GRM1: variants seen among roughly 807,000 people sequenced by gnomAD.
The protein encoded by GRM1 is metabotropic glutamate receptor 1.
A neutral mutation model predicts 90.9 loss-of-function variants in GRM1; 33 were observed. The ratio of observed to expected loss-of-function variants is 0.36; its 90% confidence interval spans 0.28 to 0.49. The LOEUF is 0.49. GRM1 is among the 20% of genes least tolerant of loss of function. GRM1 has a pLI of 0.99. For synonymous variants in GRM1, 700 were observed against 613.2 expected (o/e 1.14, Z -2.09); for missense variants, 1,190 against 1,534.3 (o/e 0.78, Z 3.75).
Position 146,297,164 on chromosome 6 carries a change from A to AT in GRM1, c.951-7433dup, listed in dbSNP as rs983358581. Among the ~76,000 whole-genome samples, 381 of 145,648 alleles carry AT rather than the reference A, an allele frequency of 2.6e-3. 1 individual carries two copies. The highest frequency in any genetic ancestry group is 3.3e-3 in the African/African-American group (130 of 39,948). On this transcript the variant is annotated intron_variant, in intron 2 of 7. Transcript: ENST00000282753. ...GACTACATTGTGAAACGTGTAAACAATTTTTTTTTTTTTTGAGATGGAGTC... is the reference window on the plus strand; with the variant it reads ...GACTACATTGTGAAACGTGTAAACAATTTTTTTTTTTTTTTGAGATGGAGTC...
intron 2 of GRM1, among the ~76,000 whole-genome samples, chr6:146,250,702 G>A (rs1781238346): frequency 6.6e-6 from 1 of 152,184 alleles, no homozygotes; most frequent in Admixed American, 6.5e-5. Context: ...AAGTAAAACA[G>A]CTTGACCAGC....
chr6:146,256,805 C>G (rs1162115848), intron 2 of GRM1, among the ~76,000 whole-genome samples: 1 of 152,134 alleles, frequency 6.6e-6, no homozygotes, highest in East Asian at 1.9e-4. Context: ...TGTCATCTTC[C>G]TAAAGTCCTC....
At chr6:146,301,253 A>G (rs1408969623) in intron 2 of GRM1, among the ~76,000 whole-genome samples, 1 of 152,206 alleles carries the variant, frequency 6.6e-6, no homozygotes, top group Non-Finnish European at 1.5e-5. Context: ...GCAGGCACCT[A>G]TAGTGAGGGT....
intron 1 of GRM1, among the ~76,000 whole-genome samples, chr6:146,129,536 A>G (rs1235239888): frequency 6.6e-6 from 1 of 152,146 alleles, no homozygotes; most frequent in Non-Finnish European, 1.5e-5. Flanking sequence ...CAGTTCACTG[A>G]GAGGCTGCAC....
chr6:146,353,782 A>G (rs1785486059), intron 4 of GRM1, among the ~76,000 whole-genome samples: 1 of 152,146 alleles, frequency 6.6e-6, no homozygotes, highest in African/African-American at 2.4e-5. Context: ...GGTGTGCACC[A>G]CCACACCTGG....
intron 1 of GRM1, among the ~76,000 whole-genome samples, chr6:146,135,292 T>C (rs375600340): frequency 7.2e-5 from 11 of 152,290 alleles, no homozygotes; most frequent in African/African-American, 1.9e-4. Flanking sequence ...CCAGAGCGCC[T>C]GCTTATCACC....
chr6:146,078,956 G>A (rs756204085), intron 1 of GRM1, among the ~76,000 whole-genome samples: 27 of 152,216 alleles, frequency 1.8e-4, no homozygotes, highest in Non-Finnish European at 3.5e-4. Context: ...GGAGTTTATT[G>A]GGCAAAAAGG....
intron 1 of GRM1, among the ~76,000 whole-genome samples, chr6:146,131,900 T>A (rs868302845): frequency 3.3e-5 from 5 of 152,074 alleles, no homozygotes; most frequent in Admixed American, 2.0e-4. Context: ...CCACTTTATA[T>A]AGGATGGCCA....
Position 146,405,244 on chromosome 6 carries a change from G to A in GRM1, c.2660+5545G>A, listed in dbSNP as rs536311058. 7.6e-4 allele frequency among the ~76,000 whole-genome samples: 116 copies of A among 152,238 alleles called. 1 individual carries two copies. Among genetic ancestry groups the A allele is most frequent in the Admixed American group, 1.7e-3 (26 of 15,264 alleles). On this transcript the variant is annotated intron_variant, in intron 7 of 7. Coordinates refer to ENST00000282753, the MANE Select transcript of GRM1 (RefSeq NM_001278064.2). ...AGGTCTAGGCCAGACCTCTAGATTTGAAGATCAATTGTCAAAATATTTAAA... is the reference window on the plus strand; with the variant it reads ...AGGTCTAGGCCAGACCTCTAGATTTAAAGATCAATTGTCAAAATATTTAAA...
intron 3 of GRM1, among the ~76,000 whole-genome samples, chr6:146,310,013 T>A (rs924231674): frequency 2.6e-5 from 4 of 152,208 alleles, no homozygotes; most frequent in Non-Finnish European, 4.4e-5. Flanking sequence ...TTTGTACCAA[T>A]TGAGAACAGA....
chr6:146,350,550 A>G (rs1785368771), intron 3 of GRM1, among the ~76,000 whole-genome samples: 1 of 152,002 alleles, frequency 6.6e-6, no homozygotes, highest in South Asian at 2.1e-4. Flanking sequence ...AGGCGAGCCT[A>G]TAAGGGCTTG....
intron 3 of GRM1, among the ~76,000 whole-genome samples, chr6:146,333,910 T>A (rs77809595): frequency 1.3e-5 from 2 of 151,694 alleles, no homozygotes; most frequent in East Asian, 3.9e-4. Flanking sequence ...GAAAAAAAAA[T>A]GATGAAATCT....
At chr6:146,207,701 A>C (rs567875455) in intron 2 of GRM1, among the ~76,000 whole-genome samples, 1 of 152,308 alleles carries the variant, frequency 6.6e-6, no homozygotes, top group African/African-American at 2.4e-5. Context: ...GGCAACTAAA[A>C]GTATAGAAAG....
At position 146,261,047 on chromosome 6, in the gene GRM1, GCTGTTATATAAA is replaced by G. The variant is rs1469862668; in HGVS notation, c.951-43561_951-43550del. On this transcript the variant is annotated intron_variant, in intron 2 of 7. Transcript: ENST00000282753. Reference sequence around the variant, plus strand: ...TGGCTTAACCTGGCTAGTCATTCATGCTGTTATATAAACTTACTTGAAAAAACAAGTGGAATC... The same window carrying G: ...TGGCTTAACCTGGCTAGTCATTCATGCTTACTTGAAAAAACAAGTGGAATC... Among the ~76,000 whole-genome samples, 7 of 151,938 alleles carry G rather than the reference GCTGTTATATAAA, an allele frequency of 4.6e-5. No homozygotes were observed. In the East Asian group the frequency reaches 1.4e-3, roughly 29 times the overall value.
intron 1 of GRM1, among the ~76,000 whole-genome samples, chr6:146,105,920 G>A (rs1459785456): frequency 6.6e-6 from 1 of 151,940 alleles, no homozygotes; most frequent in African/African-American, 2.4e-5. Flanking sequence ...CTAAAGCTTG[G>A]GTCTCTCACC....
chr6:146,352,753 A>C (rs1372108114), intron 4 of GRM1, among the ~76,000 whole-genome samples: 1 of 152,096 alleles, frequency 6.6e-6, no homozygotes, highest in Non-Finnish European at 1.5e-5. Context: ...CTATCACTTG[A>C]CCCTTTTTCC....
chr6:146,365,492 T>C (rs1268314080), intron 5 of GRM1: 2 of 152,222 alleles, frequency 1.3e-5, no homozygotes, highest in African/African-American at 4.8e-5. Flanking sequence ...TCATGGGCTA[T>C]TGGGCAGAAC....
intron 1 of GRM1, among the ~76,000 whole-genome samples, chr6:146,090,523 G>A (rs186910324): frequency 6.0e-4 from 91 of 152,122 alleles, no homozygotes; most frequent in East Asian, 1.6e-3. Context: ...ACTAAAATGC[G>A]GCCTACATTA....
chr6:146,139,975 C>T (rs1011029336), intron 1 of GRM1, among the ~76,000 whole-genome samples: 21 of 97,122 alleles, frequency 2.2e-4, no homozygotes, highest in Admixed American at 3.4e-4. Flanking sequence ...CCCTTCCCTC[C>T]GCTTCCCTCC....
Sources: gnomAD v4.1 joint callset for allele counts (sites outside exome capture counted in the v4.1 genomes callset) on GRCh38, gnomAD v4.1.1 for gene constraint, MANE v1.5 for transcripts, NCBI Gene and HGNC (gene_info 2026-07-23, HGNC 2026-07-21) for gene names.